Variants in RTL4 observed in about 807,000 individuals in gnomAD.
The protein encoded by RTL4 is retrotransposon Gag like 4, also known as retrotransposon Gag-like protein 4.
A neutral mutation model predicts 5.3 loss-of-function variants in RTL4; 4 were observed. The ratio of observed to expected loss-of-function variants is 0.75; its 90% CI spans 0.37 to 1.72. The LOEUF (loss-of-function observed/expected upper bound fraction) is 1.72, where lower values mean the gene tolerates loss of function less well. Among genes scored for constraint, RTL4 ranks in the 40% most tolerant of loss-of-function variants. The pLI, the probability that RTL4 is intolerant of heterozygous loss-of-function variation, is 0.04. For missense variants in RTL4, 260 were observed against 227.1 expected, an observed-to-expected ratio of 1.14 and a Z score of -0.93; for synonymous variants, 98 against 87.3, an observed-to-expected ratio of 1.12 and a Z score of -0.68.
At chrX:112,455,079 C>G in exon 1 of RTL4, 5 of 1,211,665 alleles carry the variant, frequency 4.1e-6, no homozygotes, top group Non-Finnish European at 5.6e-6. Context: ...CTGGGCCTGA[C>G]AAGAGTACCT....
chrX:112,302,546 AGTGTAAATT>A, the RTL4 span, among the ~76,000 whole-genome samples: 1 of 112,454 alleles, frequency 8.9e-6, no homozygotes, highest in Non-Finnish European at 1.9e-5. Flanking sequence ...ACTCATTAAT[AGTGTAAATT>A]GTGTAAATAG....
At chrX:112,407,446 G>C in the RTL4 span, among the ~76,000 whole-genome samples, 2 of 111,745 alleles carry the variant, frequency 1.8e-5, no homozygotes, top group Admixed American at 9.5e-5. Flanking sequence ...GAGCAGGAAG[G>C]ACTGCATCTT....
At chrX:112,386,181 T>C in the RTL4 span, among the ~76,000 whole-genome samples, 1 of 112,182 alleles carries the variant, frequency 8.9e-6, no homozygotes, top group African/African-American at 3.2e-5. Context: ...ATGCATGCAA[T>C]GCATAATAAT....
the RTL4 span, among the ~76,000 whole-genome samples, chrX:112,252,368 A>G: frequency 8.9e-6 from 1 of 112,281 alleles, no homozygotes; most frequent in South Asian, 3.7e-4. Context: ...TGCCAGGTTG[A>G]TTACTGAAAT....
chrX:112,147,869 GA>G, the RTL4 span, among the ~76,000 whole-genome samples: 1 of 111,428 alleles, frequency 9.0e-6, no homozygotes, highest in Non-Finnish European at 1.9e-5. Context: ...ATCTCTTTAG[GA>G]AAACCTGTCT....
the RTL4 span, among the ~76,000 whole-genome samples, chrX:112,084,972 ATC>A: frequency 8.9e-6 from 1 of 112,332 alleles, no homozygotes; most frequent in Admixed American, 9.4e-5. Context: ...ATAAAGAAAA[ATC>A]CTTTCAAAAG....
chrX:112,165,500 A>G, the RTL4 span, among the ~76,000 whole-genome samples: 1 of 111,335 alleles, frequency 9.0e-6, no homozygotes, highest in African/African-American at 3.3e-5. Context: ...ATTGACTCCA[A>G]TCAGCTTGAA....
At chrX:112,242,788 A>G in the RTL4 span, among the ~76,000 whole-genome samples, 1,943 of 111,762 alleles carry the variant, frequency 0.017, 44 homozygotes, top group African/African-American at 0.061. Context: ...TTCAAAAGGA[A>G]TGCTTCCAGG....
chrX:112,239,782 C>G, the RTL4 span, among the ~76,000 whole-genome samples: 1 of 111,576 alleles, frequency 9.0e-6, no homozygotes, highest in Non-Finnish European at 1.9e-5. Flanking sequence ...TTAACAGGCA[C>G]ACACAGAAAC....
the RTL4 span, among the ~76,000 whole-genome samples, chrX:112,196,093 G>T: frequency 9.0e-6 from 1 of 111,097 alleles, no homozygotes; most frequent in African/African-American, 3.3e-5. Flanking sequence ...TGTTTCCATT[G>T]CCACTAGAAT....
the RTL4 span, among the ~76,000 whole-genome samples, chrX:112,219,506 C>A: frequency 8.9e-6 from 1 of 112,053 alleles, no homozygotes; most frequent in Admixed American, 9.5e-5. Flanking sequence ...AGAGCTAACA[C>A]CTCTCCTCTT....
At chrX:112,141,653 G>T in the RTL4 span, among the ~76,000 whole-genome samples, 1 of 110,777 alleles carries the variant, frequency 9.0e-6, no homozygotes, top group Non-Finnish European at 1.9e-5. Flanking sequence ...CGGTGTCTTG[G>T]AGGGTTCACA....
chrX:112,303,653 T>C, the RTL4 span, among the ~76,000 whole-genome samples: 4 of 92,609 alleles, frequency 4.3e-5, no homozygotes, highest in African/African-American at 4.3e-5. Flanking sequence ...ATATACCTAA[T>C]GCTAAATGAT....
chrX:112,315,832 C>T, the RTL4 span, among the ~76,000 whole-genome samples: 1 of 111,946 alleles, frequency 8.9e-6, no homozygotes, highest in Non-Finnish European at 1.9e-5. Flanking sequence ...CACTTGTTCA[C>T]TCTCCCAGGG....
chrX:112,357,299 TG>T, the RTL4 span, among the ~76,000 whole-genome samples: 1 of 110,783 alleles, frequency 9.0e-6, no homozygotes, highest in Non-Finnish European at 1.9e-5. Flanking sequence ...GAATTTTCTT[TG>T]ATTCAACTGA....
At chrX:112,177,333 C>A in the RTL4 span, among the ~76,000 whole-genome samples, 1 of 111,081 alleles carries the variant, frequency 9.0e-6, no homozygotes, top group East Asian at 2.8e-4. Flanking sequence ...TCCTTTCCAG[C>A]ATTTGTTGTT....
chrX:112,390,157 ATATT>A, the RTL4 span, among the ~76,000 whole-genome samples: 47 of 51,965 alleles, frequency 9.0e-4, no homozygotes, highest in Non-Finnish European at 1.2e-3. Context: ...ATATATATAT[ATATT>A]TAGGATCGTG....
At chrX:112,124,497 T>C in the RTL4 span, among the ~76,000 whole-genome samples, 11 of 111,494 alleles carry the variant, frequency 9.9e-5, no homozygotes, top group Non-Finnish European at 1.9e-4. Context: ...AACCATAAAA[T>C]GGAATGAGAT....
chrX:112,205,606 T>C, the RTL4 span, among the ~76,000 whole-genome samples: 2 of 107,621 alleles, frequency 1.9e-5, no homozygotes, highest in African/African-American at 6.7e-5. Context: ...CGTGTGCATG[T>C]ACACACACAC....
Sources: allele counts gnomAD v4.1 joint callset (sites outside exome capture counted in the v4.1 genomes callset), GRCh38; gene constraint gnomAD v4.1.1; transcripts MANE v1.5; gene names NCBI Gene and HGNC (gene_info 2026-07-23, HGNC 2026-07-21).